Variants in HS6ST3 observed in about 807,000 individuals in gnomAD.
The protein encoded by HS6ST3 is heparan sulfate 6-O-sulfotransferase 3.
In HS6ST3, 12 loss-of-function variants were observed where a neutral mutation model predicts 36.7. That is an observed-to-expected ratio of 0.33 (90% CI 0.21 to 0.53). The LOEUF (loss-of-function observed/expected upper bound fraction) is 0.53. Ranked by LOEUF, HS6ST3 falls within the 20% of genes least tolerant of loss-of-function variation. The pLI, the probability that HS6ST3 is intolerant of heterozygous loss-of-function variation, is 0.95. For synonymous variants in HS6ST3, 240 were observed against 257.5 expected, an observed-to-expected ratio of 0.93 and a Z score of 0.65; for missense variants, 584 against 640.9, an observed-to-expected ratio of 0.91 and a Z score of 0.96.
intron 1 of HS6ST3, among the ~76,000 whole-genome samples, chr13:96,389,269 T>TA (rs2055384067): frequency 6.6e-6 from 1 of 152,126 alleles, no homozygotes; most frequent in Non-Finnish European, 1.5e-5. Flanking sequence ...GTTCTTGTCA[T>TA]AAAAAAGTAA....
At chr13:96,351,243 C>A (rs1352811212) in intron 1 of HS6ST3, among the ~76,000 whole-genome samples, 3 of 150,676 alleles carry the variant, frequency 2.0e-5, no homozygotes, top group African/African-American at 7.3e-5. Context: ...TGTTATAATT[C>A]AAAAATTAGA....
intron 1 of HS6ST3, among the ~76,000 whole-genome samples, chr13:96,720,292 C>G (rs1310518608): frequency 6.6e-6 from 1 of 152,128 alleles, no homozygotes; most frequent in African/African-American, 2.4e-5. Flanking sequence ...CTTCTTTTGT[C>G]TTACTCATAG....
At chr13:96,487,234 GA>G (rs905803673) in intron 1 of HS6ST3, among the ~76,000 whole-genome samples, 12 of 151,630 alleles carry the variant, frequency 7.9e-5, no homozygotes, top group South Asian at 4.2e-4. Context: ...TTATAAATGT[GA>G]AAAAAAATAA....
At chr13:96,766,956 G>A (rs965709860) in intron 1 of HS6ST3, among the ~76,000 whole-genome samples, 1 of 152,160 alleles carries the variant, frequency 6.6e-6, no homozygotes, top group Non-Finnish European at 1.5e-5. Context: ...TGAGTAAATT[G>A]CCTTAAGCAT....
At chr13:96,288,353 A>T (rs1247574043) in intron 1 of HS6ST3, among the ~76,000 whole-genome samples, 3 of 152,140 alleles carry the variant, frequency 2.0e-5, no homozygotes, top group Non-Finnish European at 4.4e-5. Flanking sequence ...AATATAGTTT[A>T]TTCTGGTGAT....
chr13:96,435,228 C>T (rs1019702272), intron 1 of HS6ST3, among the ~76,000 whole-genome samples: 6 of 152,168 alleles, frequency 3.9e-5, no homozygotes, highest in Non-Finnish European at 7.4e-5. Context: ...TTCTCCTCAT[C>T]GTTCCTTCAT....
At chr13:96,524,324 A>G (rs1249160840) in intron 1 of HS6ST3, among the ~76,000 whole-genome samples, 1 of 152,190 alleles carries the variant, frequency 6.6e-6, no homozygotes, top group Admixed American at 6.5e-5. Flanking sequence ...TCAGGGACCC[A>G]CTTGAGGAGG....
intron 1 of HS6ST3, among the ~76,000 whole-genome samples, chr13:96,103,953 G>T (rs1209533351): frequency 6.9e-6 from 1 of 145,622 alleles, no homozygotes. Context: ...GGTTTGAGGT[G>T]TTTTTTTTTT....
intron 1 of HS6ST3, among the ~76,000 whole-genome samples, chr13:96,595,978 C>T (rs534593709): frequency 3.3e-5 from 5 of 151,870 alleles, no homozygotes; most frequent in Non-Finnish European, 5.9e-5. Flanking sequence ...TGGAAATACA[C>T]GTGGTTTTTG....
chr13:96,320,952 A>G (rs1312562479), intron 1 of HS6ST3, among the ~76,000 whole-genome samples: 1 of 152,136 alleles, frequency 6.6e-6, no homozygotes, highest in African/African-American at 2.4e-5. Flanking sequence ...ACACCCTTGC[A>G]TATTATAATG....
rs150192465 is a variant in HS6ST3, at chr13:96,758,249, C to A, written c.708-74241C>A. Among the ~76,000 whole-genome samples the A allele has an allele frequency of 3.9e-3, 594 of 151,926 alleles. 4 individuals are homozygous for A. The highest frequency in any genetic ancestry group is 0.013 in the African/African-American group (540 of 41,506). On this transcript the variant is annotated intron_variant, in intron 1 of 1. Coordinates refer to ENST00000376705, the MANE Select transcript of HS6ST3 (RefSeq NM_153456.4). ...ATAAAGTTGTTCCTTTTAAAATCTTCTCCATACTGAATCTATTTATTTATT... is the reference window on the plus strand; with the variant it reads ...ATAAAGTTGTTCCTTTTAAAATCTTATCCATACTGAATCTATTTATTTATT...
At chr13:96,817,106 C>T (rs568629987) in intron 1 of HS6ST3, among the ~76,000 whole-genome samples, 2 of 152,300 alleles carry the variant, frequency 1.3e-5, no homozygotes, top group South Asian at 2.1e-4. Context: ...TAATGGCTGT[C>T]GCAACTTCCC....
chr13:96,714,715 T>A (rs935493931), intron 1 of HS6ST3, among the ~76,000 whole-genome samples: 1 of 152,168 alleles, frequency 6.6e-6, no homozygotes, highest in African/African-American at 2.4e-5. Context: ...AAATTGTTTT[T>A]TAAAAAAGGG....
chr13:96,308,777 T>C (rs546064402), intron 1 of HS6ST3, among the ~76,000 whole-genome samples: 41 of 152,254 alleles, frequency 2.7e-4, no homozygotes, highest in Non-Finnish European at 4.3e-4. Context: ...AAATATGCAT[T>C]CTATTCTAGG....
chr13:96,446,372 T>A (rs2055699062), intron 1 of HS6ST3, among the ~76,000 whole-genome samples: 1 of 152,178 alleles, frequency 6.6e-6, no homozygotes, highest in African/African-American at 2.4e-5. Context: ...CATATTGACA[T>A]ACCCAGCAGT....
intron 1 of HS6ST3, among the ~76,000 whole-genome samples, chr13:96,554,894 C>A (rs573738798): frequency 3.3e-5 from 5 of 151,824 alleles, no homozygotes; most frequent in African/African-American, 4.8e-5. Context: ...TCAAGTGATC[C>A]ATGGCAAAAC....
At chr13:96,205,273 C>A (rs1404094498) in intron 1 of HS6ST3, among the ~76,000 whole-genome samples, 2 of 152,014 alleles carry the variant, frequency 1.3e-5, no homozygotes, top group East Asian at 3.9e-4. Context: ...CAAGACTGAA[C>A]CAGGAAGAAA....
intron 1 of HS6ST3, among the ~76,000 whole-genome samples, chr13:96,152,595 C>A (rs1218779733): frequency 6.6e-6 from 1 of 152,116 alleles, no homozygotes; most frequent in Admixed American, 6.5e-5. Flanking sequence ...CCTTGACCTC[C>A]CAAAGTGCTG....
At chr13:96,338,986 T>G (rs1313738541) in intron 1 of HS6ST3, among the ~76,000 whole-genome samples, 1 of 152,150 alleles carries the variant, frequency 6.6e-6, no homozygotes, top group African/African-American at 2.4e-5. Context: ...TTTTTTTTCT[T>G]TTACAGAACA....
Sources: gnomAD v4.1 joint callset for allele counts (sites outside exome capture counted in the v4.1 genomes callset) on GRCh38, gnomAD v4.1.1 for gene constraint, MANE v1.5 for transcripts, NCBI Gene and HGNC (gene_info 2026-07-23, HGNC 2026-07-21) for gene names.